Variants in KCND2 observed in about 807,000 individuals in gnomAD.
The protein encoded by KCND2 is A-type voltage-gated potassium channel KCND2.
A neutral mutation model predicts 54.4 loss-of-function variants in KCND2; 16 were observed. The ratio of observed to expected loss-of-function variants is 0.29; its 90% CI spans 0.20 to 0.45. The LOEUF is 0.45. KCND2 is among the 20% of genes least tolerant of loss of function. The pLI, the probability that KCND2 is intolerant of heterozygous loss-of-function variation, is 1.00. For missense variants in KCND2, 486 were observed against 824.2 expected, an observed-to-expected ratio of 0.59 and a Z score of 5.02; for synonymous variants, 317 against 310.7, an observed-to-expected ratio of 1.02 and a Z score of -0.21.
intron 1 of KCND2, among the ~76,000 whole-genome samples, chr7:120,452,765 G>A (rs529556824): frequency 5.6e-4 from 85 of 152,292 alleles, no homozygotes; most frequent in African/African-American, 1.9e-3. Flanking sequence ...GTGTGTCAAC[G>A]TTAGCAGTGG....
intron 1 of KCND2, among the ~76,000 whole-genome samples, chr7:120,387,494 G>T (rs947344098): frequency 2.0e-5 from 3 of 151,838 alleles, no homozygotes; most frequent in Non-Finnish European, 4.4e-5. Flanking sequence ...AAACGAAATA[G>T]GGACTTTTAC....
At chr7:120,448,552 G>A (rs1040040966) in intron 1 of KCND2, among the ~76,000 whole-genome samples, 8 of 151,644 alleles carry the variant, frequency 5.3e-5, no homozygotes, top group African/African-American at 1.5e-4. Flanking sequence ...CCCAGTAAAC[G>A]GATGTCTAAC....
chr7:120,732,188 C>T (rs1792816516), intron 1 of KCND2, among the ~76,000 whole-genome samples: 1 of 151,668 alleles, frequency 6.6e-6, no homozygotes, highest in Admixed American at 6.6e-5. Flanking sequence ...AAGACTGAGA[C>T]CTAAAGTACT....
chr7:120,523,402 A>G (rs180728618), intron 1 of KCND2, among the ~76,000 whole-genome samples: 3 of 150,944 alleles, frequency 2.0e-5, no homozygotes, highest in Admixed American at 1.3e-4. Flanking sequence ...CTAATATAAT[A>G]TTTTATATTT....
intron 1 of KCND2, among the ~76,000 whole-genome samples, chr7:120,720,529 C>T (rs918313912): frequency 1.3e-5 from 2 of 152,076 alleles, no homozygotes; most frequent in African/African-American, 2.4e-5. Flanking sequence ...GGTTTCCTGC[C>T]AGTTGTGCCA....
At chr7:120,357,923 G>A (rs1800530050) in intron 1 of KCND2, among the ~76,000 whole-genome samples, 2 of 152,080 alleles carry the variant, frequency 1.3e-5, no homozygotes, top group Non-Finnish European at 2.9e-5. Flanking sequence ...CACATCGGGG[G>A]TTGCAGCTTC....
chr7:120,573,143 G>A (rs191669289), intron 1 of KCND2, among the ~76,000 whole-genome samples: 31 of 152,064 alleles, frequency 2.0e-4, no homozygotes, highest in African/African-American at 5.1e-4. Flanking sequence ...TAAAAATTCC[G>A]CTAAAACAGC....
rs186763807 is a variant in KCND2, at chr7:120,486,159, A to G, written c.1115+210412A>G. Among the ~76,000 whole-genome samples, 55 of 152,352 alleles carry G rather than the reference A, an allele frequency of 3.6e-4. No homozygotes were observed. The East Asian group carries it at 0.01, about 28-fold the overall frequency. ...TTGATGTAAGTGAAGATATATGATT[A>G]GCTCTATTGTATCCTGAAGGCCCAG... On this transcript the variant is annotated intron_variant, in intron 1 of 5. Transcript: ENST00000331113.
intron 1 of KCND2, among the ~76,000 whole-genome samples, chr7:120,637,422 G>A (rs1156951279): frequency 1.3e-5 from 2 of 151,860 alleles, no homozygotes; most frequent in Non-Finnish European, 2.9e-5. Context: ...AATAGATAAT[G>A]GATTTTAAAA....
In KCND2 at chr7:120,597,657, A is replaced by G. The variant is rs371147097; in HGVS notation, c.1116-135246A>G. Among the ~76,000 whole-genome samples, 28 of 152,328 alleles carry G rather than the reference A, an allele frequency of 1.8e-4. 1 individual carries two copies. In the East Asian group the frequency reaches 3.5e-3, roughly 19 times the overall value. ...AGAGCTCTACAATTCTAATTACACC[A>G]TGACTAACAAAGATGTGGGAAACAT... On this transcript the variant is annotated intron_variant, in intron 1 of 5. Coordinates refer to ENST00000331113, the MANE Select transcript of KCND2 (RefSeq NM_012281.3).
intron 1 of KCND2, among the ~76,000 whole-genome samples, chr7:120,306,762 TA>T (rs1799655671): frequency 6.6e-6 from 1 of 152,022 alleles, no homozygotes; most frequent in South Asian, 2.1e-4. Flanking sequence ...TAACTGCATT[TA>T]ATACAATTGA....
chr7:120,678,210 C>T (rs1277915684), intron 1 of KCND2, among the ~76,000 whole-genome samples: 1 of 151,490 alleles, frequency 6.6e-6, no homozygotes, highest in Non-Finnish European at 1.5e-5. Flanking sequence ...AAGAACATCG[C>T]TTACATTTAT....
chr7:120,574,839 A>G (rs949674628), intron 1 of KCND2, among the ~76,000 whole-genome samples: 1 of 152,096 alleles, frequency 6.6e-6, no homozygotes, highest in Non-Finnish European at 1.5e-5. Context: ...TCTTTGGGCA[A>G]TCTATGTATG....
chr7:120,438,583 A>C (rs1044025294), intron 1 of KCND2, among the ~76,000 whole-genome samples: 1 of 152,192 alleles, frequency 6.6e-6, no homozygotes, highest in African/African-American at 2.4e-5. Context: ...TTTGATAGGC[A>C]CTAATACTAG....
intron 1 of KCND2, among the ~76,000 whole-genome samples, chr7:120,521,371 C>T (rs1038171503): frequency 9.9e-5 from 15 of 151,774 alleles, no homozygotes; most frequent in African/African-American, 3.4e-4. Flanking sequence ...TCAAGTATGC[C>T]TCTCATTCCG....
chr7:120,385,163 C>T (rs1029697757), intron 1 of KCND2, among the ~76,000 whole-genome samples: 2 of 151,160 alleles, frequency 1.3e-5, no homozygotes, highest in African/African-American at 2.4e-5. Context: ...CATGCCACCA[C>T]GCTCGACTAT....
At chr7:120,585,527 A>G (rs1792586327) in intron 1 of KCND2, among the ~76,000 whole-genome samples, 1 of 152,188 alleles carries the variant, frequency 6.6e-6, no homozygotes, top group Non-Finnish European at 1.5e-5. Flanking sequence ...TAGAGAAAGC[A>G]TGGGTCTGAA....
At chr7:120,617,967 C>T (rs561056723) in intron 1 of KCND2, among the ~76,000 whole-genome samples, 5 of 152,132 alleles carry the variant, frequency 3.3e-5, no homozygotes, top group Admixed American at 6.5e-5. Context: ...ACTGAGTACA[C>T]GTAAATACAA....
intron 1 of KCND2, among the ~76,000 whole-genome samples, chr7:120,582,726 G>A (rs1022859685): frequency 6.6e-6 from 1 of 151,950 alleles, no homozygotes; most frequent in Non-Finnish European, 1.5e-5. Flanking sequence ...ATAATTCTCC[G>A]CTGATACCAT....
Sources: allele counts gnomAD v4.1 joint callset (sites outside exome capture counted in the v4.1 genomes callset), GRCh38; gene constraint gnomAD v4.1.1; transcripts MANE v1.5; gene names NCBI Gene and HGNC (gene_info 2026-07-23, HGNC 2026-07-21).